The following BABAM2 variants were observed in gnomAD, a reference collection of about 807,000 sequenced individuals.
BABAM2 encodes BRISC and BRCA1-A complex member 2.
BABAM2 carries 31 observed loss-of-function variants against 54.7 expected under a neutral mutation model. The ratio of observed to expected loss-of-function variants is 0.57; its 90% CI spans 0.43 to 0.77. The LOEUF (loss-of-function observed/expected upper bound fraction) is 0.77. Ranked by LOEUF, BABAM2 falls within the 30% of genes least tolerant of loss-of-function variation. BABAM2 has a pLI of 0.00. For synonymous variants in BABAM2, 167 were observed against 162.9 expected, an observed-to-expected ratio of 1.03 and a Z score of -0.19; for missense variants, 364 against 455.8, an observed-to-expected ratio of 0.80 and a Z score of 1.83.
At chr2:27,958,269 A>G (rs1475434357) in intron 3 of BABAM2, among the ~76,000 whole-genome samples, 1 of 152,128 alleles carries the variant, frequency 6.6e-6, no homozygotes, top group African/African-American at 2.4e-5. Flanking sequence ...GGAGTGGACA[A>G]GAGCCTGTAG....
chr2:28,042,256 A>T (rs1227275033), intron 5 of BABAM2, among the ~76,000 whole-genome samples: 1 of 152,198 alleles, frequency 6.6e-6, no homozygotes, highest in Non-Finnish European at 1.5e-5. Flanking sequence ...TTTGAATTTA[A>T]AAAAAGGTCT....
chr2:28,212,509 C>A (rs372829879), intron 7 of BABAM2, among the ~76,000 whole-genome samples: 1 of 152,060 alleles, frequency 6.6e-6, no homozygotes, highest in Non-Finnish European at 1.5e-5. Context: ...TTCTTATATC[C>A]TTTGGAATTT....
At chr2:28,328,367 A>G (rs2148327701) in intron 11 of BABAM2, among the ~76,000 whole-genome samples, 1 of 152,312 alleles carries the variant, frequency 6.6e-6, no homozygotes, top group South Asian at 2.1e-4. Context: ...AGAAAACTGG[A>G]AAAAGCAGTG....
rs556310873 is a variant in BABAM2 at position 27,911,638 on chromosome 2, C to T, written c.128+16954C>T. Among the ~76,000 whole-genome samples, 12 of 152,278 alleles carry T rather than the reference C, an allele frequency of 7.9e-5. 1 individual carries two copies. The highest frequency in any genetic ancestry group is 1.2e-4 in the African/African-American group (5 of 41,572). On this transcript the variant is annotated intron_variant, in intron 2 of 11. Coordinates refer to ENST00000379624, the MANE Select transcript of BABAM2 (RefSeq NM_199191.3). ...CATGGACTTCAAGGTATCATTACTTCTTGAAATGCAAATCTCTCTTCAAGC... is the reference window on the plus strand; with the variant it reads ...CATGGACTTCAAGGTATCATTACTTTTTGAAATGCAAATCTCTCTTCAAGC...
At chr2:28,258,264 G>A (rs556378485) in intron 10 of BABAM2, among the ~76,000 whole-genome samples, 5 of 152,252 alleles carry the variant, frequency 3.3e-5, no homozygotes, top group East Asian at 3.9e-4. Context: ...TTGTATGGAC[G>A]TATGTTTTTA....
At chr2:28,069,094 G>C (rs1445111161) in intron 6 of BABAM2, among the ~76,000 whole-genome samples, 1 of 152,106 alleles carries the variant, frequency 6.6e-6, no homozygotes, top group African/African-American at 2.4e-5. Context: ...CTATTAGCCT[G>C]TTGGTTCTCT....
chr2:27,895,403 T>G (rs970407677), intron 2 of BABAM2, among the ~76,000 whole-genome samples: 1 of 152,242 alleles, frequency 6.6e-6, no homozygotes, highest in Non-Finnish European at 1.5e-5. Context: ...TGGCTACTTA[T>G]TTTGTAAAAT....
intron 11 of BABAM2, among the ~76,000 whole-genome samples, chr2:28,336,039 T>C (rs962459838): frequency 7.9e-5 from 12 of 152,196 alleles, no homozygotes; most frequent in African/African-American, 2.2e-4. Flanking sequence ...GATAGAGTCA[T>C]TGAATGCCAG....
chr2:27,980,392 C>T (rs1007761573), intron 3 of BABAM2, among the ~76,000 whole-genome samples: 15 of 152,204 alleles, frequency 9.9e-5, no homozygotes, highest in Non-Finnish European at 5.9e-5. Flanking sequence ...GCCTTGAGGT[C>T]AGGTACTATG....
intron 7 of BABAM2, among the ~76,000 whole-genome samples, chr2:28,156,149 A>C (rs888511000): frequency 6.6e-6 from 1 of 151,948 alleles, no homozygotes; most frequent in Non-Finnish European, 1.5e-5. Context: ...TTAGTGTGGG[A>C]AGGTTATTTT....
intron 7 of BABAM2, among the ~76,000 whole-genome samples, chr2:28,214,489 A>G (rs1186860184): frequency 6.6e-6 from 1 of 152,130 alleles, no homozygotes; most frequent in Non-Finnish European, 1.5e-5. Flanking sequence ...GAGTGTTTTT[A>G]TAGATTCCTT....
intron 3 of BABAM2, among the ~76,000 whole-genome samples, chr2:27,981,123 A>G (rs1671963992): frequency 6.6e-6 from 1 of 152,170 alleles, no homozygotes. Context: ...CCTTAAAAAT[A>G]AAGATCTTTG....
chr2:28,100,755 T>C (rs138972331), intron 6 of BABAM2, among the ~76,000 whole-genome samples: 6 of 152,270 alleles, frequency 3.9e-5, no homozygotes, highest in Non-Finnish European at 8.8e-5. Context: ...GAAAGCTCGA[T>C]GCCAAATGAA....
chr2:28,052,865 G>T (rs1054905911), intron 6 of BABAM2, among the ~76,000 whole-genome samples: 3 of 152,178 alleles, frequency 2.0e-5, no homozygotes, highest in Non-Finnish European at 2.9e-5. Flanking sequence ...CTTCTCATCT[G>T]CCCTTAGGAA....
At chr2:28,094,526 G>A (rs1392820927) in intron 6 of BABAM2, among the ~76,000 whole-genome samples, 1 of 152,050 alleles carries the variant, frequency 6.6e-6, no homozygotes, top group Non-Finnish European at 1.5e-5. Flanking sequence ...CAAGTTAAAT[G>A]TGGATTGTTA....
chr2:27,914,724 G>A (rs753563497), intron 2 of BABAM2, among the ~76,000 whole-genome samples: 4 of 152,106 alleles, frequency 2.6e-5, no homozygotes, highest in African/African-American at 4.8e-5. Context: ...AAAAGTACAC[G>A]TCATGTAATA....
intron 6 of BABAM2, among the ~76,000 whole-genome samples, chr2:28,057,866 A>G (rs1678553909): frequency 6.6e-6 from 1 of 152,112 alleles, no homozygotes; most frequent in South Asian, 2.1e-4. Context: ...TAGACAGGCC[A>G]GGCACGGTGG....
intron 3 of BABAM2, among the ~76,000 whole-genome samples, chr2:27,959,870 CT>C (rs1181414615): frequency 6.6e-6 from 1 of 151,694 alleles, no homozygotes; most frequent in Non-Finnish European, 1.5e-5. Flanking sequence ...TTGGCTAGAG[CT>C]TGTGTGTCTT....
At chr2:28,054,790 A>G (rs1678269388) in intron 6 of BABAM2, among the ~76,000 whole-genome samples, 1 of 152,184 alleles carries the variant, frequency 6.6e-6, no homozygotes, top group Non-Finnish European at 1.5e-5. Flanking sequence ...GTGTTTTGTT[A>G]TGGGAATTGG....
Sources: gnomAD v4.1 joint callset for allele counts (sites outside exome capture counted in the v4.1 genomes callset) on GRCh38, gnomAD v4.1.1 for gene constraint, MANE v1.5 for transcripts, NCBI Gene and HGNC (gene_info 2026-07-23, HGNC 2026-07-21) for gene names.